FOXP1: variants seen among roughly 807,000 people sequenced by gnomAD.
FOXP1 encodes the protein forkhead box protein P1.
FOXP1 carries 15 observed loss-of-function variants against 98.2 expected under a neutral mutation model. The observed-to-expected ratio is 0.15, with a 90% CI of 0.10 to 0.24. The LOEUF (loss-of-function observed/expected upper bound fraction) is 0.24, where lower values mean the gene tolerates loss of function less well. Ranked by LOEUF, FOXP1 falls within the 10% of genes least tolerant of loss-of-function variation. FOXP1 has a pLI of 1.00. For missense variants in FOXP1, 633 were observed against 848.5 expected, an observed-to-expected ratio of 0.75 and a Z score of 3.15; for synonymous variants, 371 against 314.5, an observed-to-expected ratio of 1.18 and a Z score of -1.90.
At chr3:71,547,281 G>A (rs1411100293) in intron 2 of FOXP1, among the ~76,000 whole-genome samples, 1 of 152,156 alleles carries the variant, frequency 6.6e-6, no homozygotes, top group East Asian at 1.9e-4. Flanking sequence ...TGCAACCAGT[G>A]CAGCCCCAAC....
chr3:70,977,573 C>CTTCATCAATATATATCCATG, intron 16 of FOXP1, 70 bp downstream of exon 16: 1 of 1,333,336 alleles, frequency 7.5e-7, no homozygotes, highest in Non-Finnish European at 1.1e-6. Flanking sequence ...TTTAAATCTA[C>CTTCATCAATATATATCCATG]TTCATCAATA....
At chr3:70,960,253 C>T (rs948426602) in intron 20 of FOXP1, among the ~76,000 whole-genome samples, 2 of 152,090 alleles carry the variant, frequency 1.3e-5, no homozygotes, top group African/African-American at 4.8e-5. Context: ...GGAAAAGGCT[C>T]GCTCAACACA....
intron 3 of FOXP1, among the ~76,000 whole-genome samples, chr3:71,423,169 G>A (rs76113855): frequency 1.1e-3 from 170 of 152,204 alleles, no homozygotes; most frequent in Non-Finnish European, 2.1e-3. Flanking sequence ...TCTCACTGAG[G>A]GTGAATTTAT....
At chr3:70,971,989 A>G in intron 18 of FOXP1, 2 of 1,357,704 alleles carry the variant, frequency 1.5e-6, no homozygotes. Flanking sequence ...AAAAAAAAAC[A>G]AAAGCAAGTA....
chr3:71,195,110 G>A (rs1453671759), intron 6 of FOXP1, among the ~76,000 whole-genome samples: 2 of 152,300 alleles, frequency 1.3e-5, no homozygotes, highest in East Asian at 3.9e-4. Flanking sequence ...ATCAGCCCAA[G>A]GTTACCAGAT....
chr3:71,212,256 T>C (rs549637707), intron 5 of FOXP1, among the ~76,000 whole-genome samples: 11 of 152,292 alleles, frequency 7.2e-5, no homozygotes, highest in African/African-American at 2.4e-4. Flanking sequence ...TCCCAACCTA[T>C]CCGTGAGTGG....
intron 13 of FOXP1, among the ~76,000 whole-genome samples, chr3:70,992,004 T>C (rs2040678391): frequency 6.6e-6 from 1 of 152,152 alleles, no homozygotes; most frequent in Non-Finnish European, 1.5e-5. Context: ...AGGTGTCTTT[T>C]CAAAGAATCT....
chr3:71,268,080 CTT>C (rs2069892729), intron 5 of FOXP1, among the ~76,000 whole-genome samples: 1 of 123,664 alleles, frequency 8.1e-6, no homozygotes. Flanking sequence ...TCTTTTTTTT[CTT>C]TTCTTTTCTT....
intron 5 of FOXP1, among the ~76,000 whole-genome samples, chr3:71,262,264 C>CAAAAAAAAAAAAA (rs71104433): frequency 2.3e-4 from 6 of 25,714 alleles, no homozygotes; most frequent in Non-Finnish European, 2.8e-4. Context: ...GACTCTGTCA[C>CAAAAAAAAAAAAA]AAAAAAAAAA....
chr3:71,137,774 C>CTATG (rs1553755404), intron 6 of FOXP1, among the ~76,000 whole-genome samples: 1 of 140,692 alleles, frequency 7.1e-6, no homozygotes, highest in Non-Finnish European at 1.6e-5. Context: ...AAAGATAATT[C>CTATG]TATTTATTTA....
chr3:71,477,779 C>T (rs2089971068), intron 3 of FOXP1, among the ~76,000 whole-genome samples: 1 of 152,096 alleles, frequency 6.6e-6, no homozygotes, highest in South Asian at 2.1e-4. Context: ...AAGAATATTA[C>T]AAGGTAATTT....
chr3:71,306,307 G>A (rs538913973), intron 4 of FOXP1, among the ~76,000 whole-genome samples: 1 of 152,048 alleles, frequency 6.6e-6, no homozygotes, highest in Admixed American at 6.5e-5. Flanking sequence ...GGGGCGGGGG[G>A]GAGTGCTATT....
intron 7 of FOXP1, among the ~76,000 whole-genome samples, chr3:71,070,796 A>G (rs1012413262): frequency 5.3e-5 from 8 of 152,226 alleles, no homozygotes; most frequent in Non-Finnish European, 1.0e-4. Context: ...AAATCCCTGC[A>G]TACCATTTCA....
chr3:71,397,056 A>G (rs1319046500), intron 3 of FOXP1, among the ~76,000 whole-genome samples: 2 of 108,018 alleles, frequency 1.9e-5, no homozygotes, highest in Non-Finnish European at 3.6e-5. Context: ...ATACACATAT[A>G]TATGTGTATA....
chr3:71,461,855 T>TTA (rs1356052125), intron 3 of FOXP1, among the ~76,000 whole-genome samples: 5,022 of 150,902 alleles, frequency 0.033, 251 homozygotes, highest in African/African-American at 0.11. Flanking sequence ...ACCACAGGTC[T>TTA]CTGGTATCAC....
At chr3:71,479,552 G>A (rs574101524) in intron 3 of FOXP1, among the ~76,000 whole-genome samples, 53 of 151,648 alleles carry the variant, frequency 3.5e-4, no homozygotes, top group Non-Finnish European at 5.3e-4. Context: ...GGTGGCGGAC[G>A]CCTGTAATCC....
intron 7 of FOXP1, among the ~76,000 whole-genome samples, chr3:71,069,371 A>C (rs1225552042): frequency 6.6e-6 from 1 of 152,246 alleles, no homozygotes; most frequent in Non-Finnish European, 1.5e-5. Flanking sequence ...TAAGCATCAG[A>C]GGTAAACAAA....
chr3:71,564,033 T>C (rs1294966034), intron 2 of FOXP1, among the ~76,000 whole-genome samples: 1 of 152,246 alleles, frequency 6.6e-6, no homozygotes, highest in African/African-American at 2.4e-5. Flanking sequence ...CTCAGGCCAC[T>C]TAAGGTTTCA....
chr3:71,239,551 AAAAC>A (rs963573637), intron 5 of FOXP1, among the ~76,000 whole-genome samples: 6 of 152,160 alleles, frequency 3.9e-5, no homozygotes, highest in Non-Finnish European at 7.4e-5. Flanking sequence ...CTCAAAAACA[AAAAC>A]AAACAAACAA....
Sources: gnomAD v4.1 joint callset for allele counts (sites outside exome capture counted in the v4.1 genomes callset) on GRCh38, gnomAD v4.1.1 for gene constraint, MANE v1.5 for transcripts, NCBI Gene and HGNC (gene_info 2026-07-23, HGNC 2026-07-21) for gene names.